Variants in FRMD4A observed in about 807,000 individuals in gnomAD.
FRMD4A encodes FERM domain containing 4A, also known as FERM domain-containing protein 4A.
FRMD4A carries 29 observed loss-of-function variants against 129.1 expected under a neutral mutation model. The observed-to-expected ratio is 0.22, with a 90% CI of 0.17 to 0.31. The LOEUF is 0.31. Ranked by LOEUF, FRMD4A falls within the 10% of genes least tolerant of loss-of-function variation. The pLI is 1.00. For synonymous variants in FRMD4A, 634 were observed against 571.6 expected (o/e 1.11, Z -1.56); for missense variants, 1,272 against 1,375.8 (o/e 0.92, Z 1.19).
intron 2 of FRMD4A, among the ~76,000 whole-genome samples, chr10:14,270,452 G>A (rs1845126787): frequency 6.6e-6 from 1 of 152,200 alleles, no homozygotes; most frequent in Admixed American, 6.5e-5. Flanking sequence ...ATGATCTGGA[G>A]ATTTCCAAAT....
At chr10:14,284,014 A>G (rs1845603674) in intron 2 of FRMD4A, among the ~76,000 whole-genome samples, 1 of 152,210 alleles carries the variant, frequency 6.6e-6, no homozygotes, top group Admixed American at 6.5e-5. Flanking sequence ...ATAGTTGGTA[A>G]GTAAAGAGTT....
chr10:13,695,544 C>T (rs2086141244), intron 14 of FRMD4A, among the ~76,000 whole-genome samples: 1 of 152,194 alleles, frequency 6.6e-6, no homozygotes. Context: ...TGCTTGTTTT[C>T]TTCTTCAGGA....
At position 13,709,923 on chromosome 10, in the gene FRMD4A, G is replaced by A. The variant is rs148410968; in HGVS notation, c.760-2810C>T. Among the ~76,000 whole-genome samples, 835 of 151,988 alleles carry A rather than the reference G, an allele frequency of 5.5e-3. 14 individuals carry two copies. Among genetic ancestry groups the A allele is most frequent in the Non-Finnish European group, 4.4e-3 (300 of 67,978 alleles). On this transcript the variant is annotated intron_variant, in intron 12 of 24. Transcript: ENST00000357447. The stretch of plus-strand genomic sequence containing the variant: ...TTCCATAGGTTTTTGGGGAACAGGC[G>A]GTATTTGGTTAATTAGTTCCTTAGT...
intron 2 of FRMD4A, among the ~76,000 whole-genome samples, chr10:13,905,716 A>G (rs1326568920): frequency 6.6e-6 from 1 of 152,226 alleles, no homozygotes; most frequent in African/African-American, 2.4e-5. Flanking sequence ...AGGCTCAGAA[A>G]CACTAAGTAA....
intron 3 of FRMD4A, among the ~76,000 whole-genome samples, chr10:13,818,580 C>T (rs1160734692): frequency 1.3e-5 from 2 of 152,174 alleles, no homozygotes; most frequent in African/African-American, 4.8e-5. Context: ...CATCTGCATC[C>T]TTCATGATCT....
chr10:13,972,080 G>A (rs1316588947), intron 2 of FRMD4A: 24 of 1,123,950 alleles, frequency 2.1e-5, no homozygotes, highest in Admixed American at 3.9e-5. Flanking sequence ...CAGGGACAAG[G>A]TAAAAATAAA....
chr10:13,963,626 A>T (rs1278070708), intron 2 of FRMD4A, among the ~76,000 whole-genome samples: 1 of 152,260 alleles, frequency 6.6e-6, no homozygotes, highest in Non-Finnish European at 1.5e-5. Flanking sequence ...TCATGTGGAC[A>T]GCTGATAGAG....
intron 6 of FRMD4A, among the ~76,000 whole-genome samples, chr10:13,781,368 C>CT (rs1161094661): frequency 0.1 from 7,396 of 70,838 alleles, 1,008 homozygotes; most frequent in Non-Finnish European, 0.14. Flanking sequence ...ATGGATGAAC[C>CT]TTTTTTTTTT....
chr10:14,197,697 T>G lies in FRMD4A; in HGVS notation c.45+132361A>C, dbSNP rs1032022588. Among the ~76,000 whole-genome samples, 3 of 152,336 alleles carry G rather than the reference T, an allele frequency of 2.0e-5. 1 individual carries two copies. The South Asian group carries it at 6.2e-4, about 32-fold the overall frequency. On this transcript the variant is annotated intron_variant, in intron 2 of 24. Transcript: ENST00000357447. ...AGTTATGACAAATCCACTGTACTAT[T>G]AAATTATTATTTCATTCAATTGTCT...
rs190184010 is a variant in FRMD4A, at chr10:13,688,349, A to T, written c.1117+5549T>A. On this transcript the variant is annotated intron_variant, in intron 15 of 24. Coordinates refer to ENST00000357447, the MANE Select transcript of FRMD4A (RefSeq NM_018027.5). ...CATAGGTGGGAATTGAAGAATGAGA[A>T]CACATGGACACAGGAAGGGGAACAT... is the stretch of plus-strand genomic sequence containing the variant. Among the ~76,000 whole-genome samples the T allele has an allele frequency of 1.6e-3, 241 of 152,118 alleles. 4 individuals carry two copies. The highest frequency in any genetic ancestry group is 5.7e-3 in the African/African-American group (237 of 41,520).
chr10:13,704,107 C>T (rs113589770), intron 13 of FRMD4A, among the ~76,000 whole-genome samples: 3,187 of 152,280 alleles, frequency 0.021, 126 homozygotes, highest in African/African-American at 0.071. Flanking sequence ...CGCACTCACA[C>T]GTGGCTCATG....
chr10:14,095,894 C>T (rs1354370264), intron 2 of FRMD4A, among the ~76,000 whole-genome samples: 1 of 152,172 alleles, frequency 6.6e-6, no homozygotes, highest in Non-Finnish European at 1.5e-5. Context: ...GTCCACGAAT[C>T]AATAAAACCA....
At chr10:13,698,324 G>A (rs907220590) in intron 14 of FRMD4A, among the ~76,000 whole-genome samples, 9 of 152,138 alleles carry the variant, frequency 5.9e-5, no homozygotes, top group African/African-American at 2.2e-4. Context: ...TGGTTGGCAT[G>A]TCCCAGTACA....
intron 19 of FRMD4A, 41 bp downstream of exon 19, chr10:13,663,412 T>C (rs375615905): frequency 5.1e-5 from 54 of 1,061,134 alleles, no homozygotes; most frequent in Non-Finnish European, 7.6e-5. Context: ...CTCTGTTTAC[T>C]CTGAGCTGTA....
At chr10:13,926,415 T>C (rs2095134448) in intron 2 of FRMD4A, among the ~76,000 whole-genome samples, 1 of 152,188 alleles carries the variant, frequency 6.6e-6, no homozygotes, top group Admixed American at 6.5e-5. Flanking sequence ...GTGATGGGTA[T>C]TGATTAGTGC....
chr10:14,316,287 G>A (rs1564460148), intron 2 of FRMD4A, among the ~76,000 whole-genome samples: 1 of 152,068 alleles, frequency 6.6e-6, no homozygotes, highest in African/African-American at 2.4e-5. Flanking sequence ...AGGTCATAAA[G>A]ATTCCACCTT....
chr10:14,147,239 G>A (rs1313138139), intron 2 of FRMD4A, among the ~76,000 whole-genome samples: 1 of 152,168 alleles, frequency 6.6e-6, no homozygotes, highest in East Asian at 1.9e-4. Flanking sequence ...GGGTCAGACA[G>A]TTCAGAGCCA....
At chr10:13,906,334 T>G (rs546668620) in intron 2 of FRMD4A, among the ~76,000 whole-genome samples, 2 of 152,268 alleles carry the variant, frequency 1.3e-5, no homozygotes, top group Admixed American at 1.3e-4. Context: ...AACACAGTGG[T>G]CAGCAGTACA....
rs973639888 is a variant in FRMD4A, at chr10:13,659,237, TCCATTATTTGGG to T, written c.2066+74_2066+85del. The T allele has an allele frequency of 5.1e-5, 60 of 1,165,254 alleles. No homozygotes were observed. In the African/African-American group the frequency reaches 6.5e-4, roughly 13 times the overall value. 72.2% of individuals were successfully genotyped at this position (1,165,254 alleles called of 1,614,324 possible). A position where few individuals can be genotyped will look rare whatever the true frequency, so the allele number is the denominator to read the frequency against. On this transcript the variant is annotated intron_variant, in intron 21 of 24. Transcript: ENST00000357447. The stretch of plus-strand genomic sequence containing the variant: ...CAGGTTCAGGTCTGACTGTAGCTCA[TCCATTATTTGGG>T]CCAGCTTGGGGCTGACAATGCCCAA...
Sources: gnomAD v4.1 joint callset for allele counts (sites outside exome capture counted in the v4.1 genomes callset) on GRCh38, gnomAD v4.1.1 for gene constraint, MANE v1.5 for transcripts, NCBI Gene and HGNC (gene_info 2026-07-23, HGNC 2026-07-21) for gene names.